SH3TC2: variants seen among roughly 807,000 people sequenced by gnomAD.
SH3TC2 encodes SH3 domain and tetratricopeptide repeats 2.
Under a neutral mutation model 124.5 loss-of-function variants are expected in SH3TC2, and 87 were observed. That is an observed-to-expected ratio of 0.70 (90% confidence interval 0.59 to 0.84). The LOEUF is 0.84. SH3TC2 is among the 40% of genes least tolerant of loss of function. SH3TC2 has a pLI of 0.00. For missense variants in SH3TC2, 1,536 were observed against 1,566.4 expected (o/e 0.98, Z 0.33); for synonymous variants, 634 against 628.5 (o/e 1.01, Z -0.13).
chr5:149,026,280 T>G lies in SH3TC2; in HGVS notation c.3053+292A>C, dbSNP rs1226076705. The stretch of plus-strand genomic sequence containing the variant: ...TCTATGTATCAGGCACAGTTATGAG[T>G]GTTTTATGAGCATTAACTCATTTAT... On this transcript the variant is annotated intron_variant, in intron 12 of 16. Coordinates refer to ENST00000515425, the MANE Select transcript of SH3TC2 (RefSeq NM_024577.4). 1.1e-5 allele frequency: 5 copies of G among 438,374 alleles called. No individual in the cohort carries two copies. In the East Asian group the frequency reaches 1.4e-4, roughly 12 times the overall value. 27.2% of individuals were successfully genotyped at this position (438,374 alleles called of 1,614,324 possible).
chr5:149,061,585 A>C (rs901416172), intron 1 of SH3TC2, among the ~76,000 whole-genome samples: 1 of 152,214 alleles, frequency 6.6e-6, no homozygotes, highest in African/African-American at 2.4e-5. Context: ...GCTACAGATA[A>C]GGAAACTGAA....
intron 12 of SH3TC2, among the ~76,000 whole-genome samples, chr5:149,017,099 G>A (rs918015717): frequency 1.3e-5 from 2 of 152,060 alleles, no homozygotes; most frequent in Non-Finnish European, 2.9e-5. Context: ...CAATTTATAC[G>A]ATAACTTTAG....
Position 149,012,975 on chromosome 5 carries a change from C to T in SH3TC2, c.3054-241G>A, listed in dbSNP as rs55732303. On this transcript the variant is annotated intron_variant, in intron 12 of 16. Transcript: ENST00000515425. Reference sequence around the variant, plus strand: ...AGACCTATAATTGTGCCCACCTGAGCGGATTGTTGTGAGGATGAAATTGAG... The same window carrying T: ...AGACCTATAATTGTGCCCACCTGAGTGGATTGTTGTGAGGATGAAATTGAG... Among the ~76,000 whole-genome samples, 34,206 of 151,944 alleles carry T rather than the reference C, an allele frequency of 0.23. 4,320 individuals carry two copies. The highest frequency in any genetic ancestry group is 0.31 in the African/African-American group (12,809 of 41,414).
At position 148,987,316 on chromosome 5, in the gene SH3TC2, G is replaced by A. The variant is rs1753348194; in HGVS notation, c.*17395C>T. On this transcript the variant is annotated 3_prime_UTR_variant, in exon 17 of 17. Coordinates refer to ENST00000515425, the MANE Select transcript of SH3TC2 (RefSeq NM_024577.4). ...CTCATTGGATTGCAAGTGCCAAGAGGACAAGAACTTTATAAGTTTTTTTCA... is the reference window on the plus strand; with the variant it reads ...CTCATTGGATTGCAAGTGCCAAGAGAACAAGAACTTTATAAGTTTTTTTCA... Among the ~76,000 whole-genome samples, 1 of 152,218 alleles carries A rather than the reference G, an allele frequency of 6.6e-6. No individual in the cohort carries two copies. Among genetic ancestry groups the A allele is most frequent in the African/African-American group, 2.4e-5 (1 of 41,454 alleles).
At chr5:149,039,297 A>C (rs971942826) in intron 7 of SH3TC2, among the ~76,000 whole-genome samples, 3 of 152,210 alleles carry the variant, frequency 2.0e-5, no homozygotes, top group Admixed American at 1.3e-4. Context: ...AACTATCAGA[A>C]TCCCCTTTTC....
At chr5:149,034,949 T>C (rs530614170) in intron 8 of SH3TC2, among the ~76,000 whole-genome samples, 1 of 152,312 alleles carries the variant, frequency 6.6e-6, no homozygotes, top group Admixed American at 6.5e-5. Context: ...ATATGTTAAG[T>C]GTTATATATA....
chr5:149,006,760 C>T (rs1753696151), intron 16 of SH3TC2, 121 bp downstream of exon 16: 1 of 1,007,508 alleles, frequency 9.9e-7, no homozygotes, highest in Non-Finnish European at 1.6e-6. Context: ...TGAGACAAGA[C>T]TTCTCATCTT....
intron 1 of SH3TC2, among the ~76,000 whole-genome samples, chr5:149,052,492 G>A (rs1453767544): frequency 2.6e-5 from 4 of 152,128 alleles, no homozygotes; most frequent in Admixed American, 6.5e-5. Context: ...TTCACATATC[G>A]AACTACGTCT....
At chr5:149,052,070 G>A in intron 2 of SH3TC2, 72 bp downstream of exon 2, 2 of 1,074,646 alleles carry the variant, frequency 1.9e-6, no homozygotes, top group Non-Finnish European at 2.9e-6. Context: ...GGGCTCTTTA[G>A]ATGGGAAAGA....
In SH3TC2 at chr5:148,988,526, C is replaced by A. The variant is rs932150932; in HGVS notation, c.*16185G>T. ...TTGGAATGCACTCTCTTGGAACCAGCCACCATGCTGTAAGACGGCCAAGCC... is the reference window on the plus strand; with the variant it reads ...TTGGAATGCACTCTCTTGGAACCAGACACCATGCTGTAAGACGGCCAAGCC... On this transcript the variant is annotated 3_prime_UTR_variant, in exon 17 of 17. Coordinates refer to ENST00000515425, the MANE Select transcript of SH3TC2 (RefSeq NM_024577.4). 6.6e-6 allele frequency among the ~76,000 whole-genome samples: 1 copy of A among 152,216 alleles called. No homozygotes were observed. The highest frequency in any genetic ancestry group is 2.4e-5 in the African/African-American group (1 of 41,450).
Position 149,008,836 on chromosome 5 carries a change from G to C in SH3TC2, c.3478+15C>G, listed in dbSNP as rs766287814. The C allele has an allele frequency of 1.9e-6, 3 of 1,613,712 alleles. No homozygotes were observed. The highest frequency in any genetic ancestry group is 1.1e-5 in the South Asian group (1 of 91,070). On this transcript the variant is annotated intron_variant, in intron 15 of 16. Transcript: ENST00000515425. Reference sequence around the variant, plus strand: ...CCCCTCTCATTCAACACACCCAATAGTGAAGACCACCCACCTGTGACTGTG... The same window carrying C: ...CCCCTCTCATTCAACACACCCAATACTGAAGACCACCCACCTGTGACTGTG...
In SH3TC2 at chr5:148,985,142, T is replaced by C. The variant is rs1753312803; in HGVS notation, c.*19569A>G. 1.4e-5 allele frequency among the ~76,000 whole-genome samples: 1 copy of C among 71,580 alleles called. No individual in the cohort carries two copies. Among genetic ancestry groups the C allele is most frequent in the African/African-American group, 4.6e-5 (1 of 21,844 alleles). The allele number at this position is 71,580 out of a possible 152,430, so 47.0% of individuals were successfully genotyped here. The stretch of plus-strand genomic sequence containing the variant: ...ACACTGAATAAGAATGAGCTACTTT[T>C]CTGGAAAAAAAAAAAACTATTCACT... On this transcript the variant is annotated 3_prime_UTR_variant, in exon 17 of 17. Coordinates refer to ENST00000515425, the MANE Select transcript of SH3TC2 (RefSeq NM_024577.4).
At chr5:149,055,917 A>C (rs1411000454) in intron 1 of SH3TC2, among the ~76,000 whole-genome samples, 1 of 152,168 alleles carries the variant, frequency 6.6e-6, no homozygotes, top group Non-Finnish European at 1.5e-5. Flanking sequence ...CCCATCCCCC[A>C]AAAATTAAAT....
At chr5:149,062,729 C>T (rs2127406009) in intron 1 of SH3TC2, among the ~76,000 whole-genome samples, 1 of 152,286 alleles carries the variant, frequency 6.6e-6, no homozygotes, top group South Asian at 2.1e-4. Context: ...CTGCTCAGCT[C>T]CTGACAGAGT....
chr5:149,008,623 A>G lies in SH3TC2; in HGVS notation c.3478+228T>C, dbSNP rs542844095. The G allele has an allele frequency of 5.0e-6, 3 of 601,914 alleles. No homozygotes were observed. In the South Asian group the frequency reaches 5.8e-5, roughly 12 times the overall value. 37.3% of individuals were successfully genotyped at this position (601,914 alleles called of 1,614,324 possible). Reference sequence around the variant, plus strand: ...GTTACATGGATAATCACTGGTCTTCATAACAACTACCATGAGGTGGGCACT... The same window carrying G: ...GTTACATGGATAATCACTGGTCTTCGTAACAACTACCATGAGGTGGGCACT... On this transcript the variant is annotated intron_variant, in intron 15 of 16. Transcript: ENST00000515425.
At position 149,047,885 on chromosome 5, in the gene SH3TC2, G is replaced by C; in HGVS notation, c.256C>G (p.Gln86Glu). The C allele has an allele frequency of 6.2e-7, 1 of 1,614,078 alleles. No homozygotes were observed. Among genetic ancestry groups the C allele is most frequent in the Non-Finnish European group, 8.5e-7 (1 of 1,180,012 alleles). Residue 86 changes from glutamine (Q) to glutamate (E), a missense_variant, in exon 3 of 17, where the codon CAG (glutamine) becomes GAG (glutamate). Physicochemically the swap from Gln to Glu is conservative, Grantham distance 29. This residue lies in a region of SH3TC2 where 1,102 missense variants were observed against 1,098.6 expected (regional missense o/e 1.00). Coordinates refer to ENST00000515425, the MANE Select transcript of SH3TC2 (RefSeq NM_024577.4). ...RRLWALENED[Q>E]EVRMLFKDLS... is the part of the protein sequence containing the mutation. ...ACCTTAAACAGCATGCGCACCTCCT[G>C]GTCCTCATTCTCCAGTGCCCAGAGC...
At chr5:149,042,251 A>G (rs1754384119) in intron 5 of SH3TC2, among the ~76,000 whole-genome samples, 1 of 152,224 alleles carries the variant, frequency 6.6e-6, no homozygotes, top group South Asian at 2.1e-4. Context: ...CCTCAACATC[A>G]CTTTCCTCAC....
chr5:149,012,786 G>A, intron 12 of SH3TC2, 52 bp from the exon 13 acceptor site: 2 of 1,602,524 alleles, frequency 1.2e-6, no homozygotes, highest in Non-Finnish European at 1.7e-6. Context: ...GGGCCTTAGG[G>A]TCCACTCAGC....
At chr5:149,012,774 A>C (rs1186569473) in intron 12 of SH3TC2, 40 bp from the exon 13 acceptor site, 1 of 1,610,968 alleles carries the variant, frequency 6.2e-7, no homozygotes, top group Non-Finnish European at 8.5e-7. Flanking sequence ...GAAGGCTCAA[A>C]GGGGCCTTAG....
Sources: gnomAD v4.1 joint callset for allele counts (sites outside exome capture counted in the v4.1 genomes callset) on GRCh38, gnomAD v4.1.1 for gene constraint, gnomAD v4.1.1 regional missense constraint, MANE v1.5 for transcripts, NCBI Gene and HGNC (gene_info 2026-07-23, HGNC 2026-07-21) for gene names.